The following CYSLTR1 variants were observed in gnomAD, a reference collection of about 807,000 sequenced individuals.
CYSLTR1 encodes the protein G-protein coupled receptor HG55.
A neutral mutation model predicts 2.1 loss-of-function variants in CYSLTR1; 1 was observed. That is an observed-to-expected ratio of 0.48 (90% CI 0.17 to 2.28). The LOEUF (loss-of-function observed/expected upper bound fraction) is 2.28, where lower values mean the gene tolerates loss of function less well. Ranked by LOEUF, CYSLTR1 falls within the 30% of genes most tolerant of loss-of-function variation. The pLI is 0.26. For synonymous variants in CYSLTR1, 110 were observed against 89.6 expected, an observed-to-expected ratio of 1.23 and a Z score of -1.28; for missense variants, 299 against 250.1, an observed-to-expected ratio of 1.20 and a Z score of -1.32.
chrX:78,319,214 T>A (rs929409377), intron 1 of CYSLTR1: 1 of 107,579 alleles, frequency 9.3e-6, no homozygotes, highest in Non-Finnish European at 1.9e-5. Flanking sequence ...GCTGCACCCA[T>A]TAACTCGTCA....
intron 1 of CYSLTR1, chrX:78,319,993 T>C (rs1923575761): frequency 8.9e-6 from 1 of 112,199 alleles, no homozygotes. Context: ...GAGTTCATTG[T>C]AGATTCTGGA....
intron 1 of CYSLTR1, among the ~76,000 whole-genome samples, chrX:78,290,965 T>C (rs1034339003): frequency 8.9e-6 from 1 of 111,927 alleles, no homozygotes; most frequent in African/African-American, 3.3e-5. Flanking sequence ...TCTTGCCTGA[T>C]TGCCCAGGCC....
At chrX:78,274,754 T>C (rs1603408672) in intron 2 of CYSLTR1, among the ~76,000 whole-genome samples, 2 of 110,724 alleles carry the variant, frequency 1.8e-5, no homozygotes, top group Non-Finnish European at 3.8e-5. Context: ...AAAGAGCTTC[T>C]GCACAGCAAA....
chrX:78,289,012 G>T (rs776239292), intron 1 of CYSLTR1, among the ~76,000 whole-genome samples: 2 of 108,580 alleles, frequency 1.8e-5, no homozygotes, highest in African/African-American at 6.7e-5. Flanking sequence ...TGTGCACAAC[G>T]TGCAGGTTTG....
chrX:78,317,344 G>A (rs1923458110), intron 1 of CYSLTR1, among the ~76,000 whole-genome samples: 2 of 112,289 alleles, frequency 1.8e-5, no homozygotes, highest in African/African-American at 3.2e-5. Context: ...TGTTGGCATG[G>A]GTGTGGTGAA....
chrX:78,299,047 T>G (rs964303684), intron 1 of CYSLTR1, among the ~76,000 whole-genome samples: 1 of 111,546 alleles, frequency 9.0e-6, no homozygotes, highest in Non-Finnish European at 1.9e-5. Flanking sequence ...GTACATTGTT[T>G]GGTTTGAGGT....
chrX:78,279,212 C>A (rs1921729510), intron 2 of CYSLTR1, among the ~76,000 whole-genome samples: 1 of 110,793 alleles, frequency 9.0e-6, no homozygotes, highest in African/African-American at 3.3e-5. Context: ...ACTATACATC[C>A]AACAAAGGTC....
intron 1 of CYSLTR1, among the ~76,000 whole-genome samples, chrX:78,288,591 ATAGCTG>A (rs776913831): frequency 9.0e-6 from 1 of 111,296 alleles, no homozygotes; most frequent in South Asian, 3.9e-4. Flanking sequence ...TGGGGACATA[ATAGCTG>A]TATATATTTA....
chrX:78,324,812 A>G (rs1923808455), intron 1 of CYSLTR1, among the ~76,000 whole-genome samples: 1 of 111,977 alleles, frequency 8.9e-6, no homozygotes, highest in South Asian at 3.7e-4. Context: ...CCCTTAAATC[A>G]TACCACATAG....
intron 1 of CYSLTR1, chrX:78,321,279 TCA>T (rs1189503259): frequency 1.8e-5 from 2 of 108,710 alleles, no homozygotes; most frequent in African/African-American, 3.4e-5. Flanking sequence ...GCCTGAAAAT[TCA>T]CAGAGTGCAG....
chrX:78,275,022 C>A (rs1164347531), intron 2 of CYSLTR1, among the ~76,000 whole-genome samples: 2 of 111,275 alleles, frequency 1.8e-5, no homozygotes, highest in African/African-American at 6.5e-5. Context: ...ATCAAAACCA[C>A]AATGAGATAC....
chrX:78,273,125 A>C lies in CYSLTR1; in HGVS notation c.622T>G (p.Cys208Gly). The C allele has an allele frequency of 8.3e-7, 1 of 1,208,878 alleles. No homozygotes were observed. The highest frequency in any genetic ancestry group is 1.1e-6 in the Non-Finnish European group (1 of 893,886). Reference protein sequence around the residue: ...FIIPFVIIIVCYTMIILTLLK... With the variant: ...FIIPFVIIIVGYTMIILTLLK... ...AAGGTCAAAATGATCATTGTGTAACAGACAATTATAATAACAAAAGGGATG... is the reference window on the plus strand; with the variant it reads ...AAGGTCAAAATGATCATTGTGTAACCGACAATTATAATAACAAAAGGGATG... The change falls in exon 3 of 3, where the codon TGT becomes GGT. Residue 208 changes from cysteine to glycine, a missense_variant. Physicochemically the swap from Cys to Gly is radical, Grantham distance 159. Coordinates refer to ENST00000373304, the MANE Select transcript of CYSLTR1 (RefSeq NM_006639.4).
At chrX:78,326,440 C>T (rs764877272) in intron 1 of CYSLTR1, among the ~76,000 whole-genome samples, 104 of 112,008 alleles carry the variant, frequency 9.3e-4, no homozygotes, top group African/African-American at 3.3e-3. Context: ...CATATGGTAT[C>T]ATAGTTTCTC....
intron 1 of CYSLTR1, chrX:78,320,315 G>C (rs755901344): frequency 1.8e-5 from 2 of 111,785 alleles, no homozygotes; most frequent in African/African-American, 6.5e-5. Flanking sequence ...TCCAGTTTCA[G>C]CTTTCTGCAT....
chrX:78,300,547 G>C (rs914244604), intron 1 of CYSLTR1, among the ~76,000 whole-genome samples: 10 of 112,691 alleles, frequency 8.9e-5, no homozygotes, highest in African/African-American at 3.2e-4. Context: ...CAGACACATA[G>C]AGGTTCCTTG....
intron 1 of CYSLTR1, chrX:78,321,530 A>G (rs2147277798): frequency 9.1e-6 from 1 of 110,326 alleles, no homozygotes. Flanking sequence ...ATCTCTCCTA[A>G]AAATACAAAA....
Position 78,327,358 on chromosome X carries a change from C to T in CYSLTR1, c.-168G>A, listed in dbSNP as rs1279746971. The stretch of plus-strand genomic sequence containing the variant: ...GTCCTTTTGCGTTTGTTCTCAGAAG[C>T]AAGCTCCAAGTCTTCAGTAAATTCG... On this transcript the variant is annotated 5_prime_UTR_variant, in exon 1 of 3. Coordinates refer to ENST00000373304, the MANE Select transcript of CYSLTR1 (RefSeq NM_006639.4). 1 of 111,833 alleles carries T rather than the reference C, an allele frequency of 8.9e-6. No homozygotes were observed. The highest frequency in any genetic ancestry group is 2.8e-4 in the East Asian group (1 of 3,562). The allele number at this position is 111,833 out of a possible 1,213,427, so 9.2% of individuals were successfully genotyped here.
In CYSLTR1 at chrX:78,273,643, A is replaced by G; in HGVS notation, c.104T>C (p.Val35Ala). The change falls in exon 3 of 3, where the codon GTT becomes GCT. Residue 35 changes from valine to alanine, a missense_variant. Val to Ala is a moderately conservative substitution (Grantham distance 64, BLOSUM62 0). Transcript: ENST00000373304. ...VYSTLYSMIS[V>A]VGFFGNGFVL... is the part of the protein sequence containing the mutation. ...AAAGCCATTGCCAAAGAAGCCTACA[A>G]CAGAGATCATAGAGTACAAGGTGGA... The G allele has an allele frequency of 8.3e-7, 1 of 1,211,960 alleles. No homozygotes were observed. The highest frequency in any genetic ancestry group is 1.7e-5 in the African/African-American group (1 of 57,868).
At chrX:78,308,802 G>A (rs747652404) in intron 1 of CYSLTR1, among the ~76,000 whole-genome samples, 1 of 111,575 alleles carries the variant, frequency 9.0e-6, no homozygotes, top group Non-Finnish European at 1.9e-5. Flanking sequence ...CTCTCTTAGA[G>A]CTTAACTCAG....
Sources: allele counts gnomAD v4.1 joint callset (sites outside exome capture counted in the v4.1 genomes callset), GRCh38; gene constraint gnomAD v4.1.1; transcripts MANE v1.5; gene names NCBI Gene and HGNC (gene_info 2026-07-23, HGNC 2026-07-21).